SLC2A9: variants seen among roughly 807,000 people sequenced by gnomAD.
SLC2A9 encodes solute carrier family 2 member 9, also known as solute carrier family 2, facilitated glucose transporter member 9.
Under a neutral mutation model 50.6 loss-of-function variants are expected in SLC2A9, and 39 were observed. The observed-to-expected ratio is 0.77, with a 90% CI of 0.60 to 1.01. SLC2A9 has a LOEUF of 1.01. Ranked by LOEUF, SLC2A9 falls within the 50% of genes least tolerant of loss-of-function variation. The pLI, the probability that SLC2A9 is intolerant of heterozygous loss-of-function variation, is 0.00. For synonymous variants in SLC2A9, 324 were observed against 276.9 expected (o/e 1.17, Z -1.69); for missense variants, 686 against 677.6 (o/e 1.01, Z -0.14).
At chr4:9,866,804 C>G (rs763851429) in intron 10 of SLC2A9, among the ~76,000 whole-genome samples, 22 of 152,174 alleles carry the variant, frequency 1.4e-4, no homozygotes, top group Admixed American at 1.3e-4. Flanking sequence ...ACCCATTTTA[C>G]ATGTGGGTAA....
chr4:9,810,985 T>G (rs1722815624), intron 3 of SLC2A9, among the ~76,000 whole-genome samples: 1 of 152,154 alleles, frequency 6.6e-6, no homozygotes, highest in African/African-American at 2.4e-5. Flanking sequence ...CCTTTTCTGG[T>G]TTGCGGGAGA....
chr4:9,925,041 A>G (rs920442318), intron 6 of SLC2A9, among the ~76,000 whole-genome samples: 1 of 152,170 alleles, frequency 6.6e-6, no homozygotes, highest in Non-Finnish European at 1.5e-5. Flanking sequence ...CTCATCTGCC[A>G]TGCAGAGCCT....
rs548996709 is a variant in SLC2A9, at chr4:9,808,641, C to T, written n.421-9400G>A. Reference sequence around the variant, plus strand: ...TTAAAAGAGAGACTTTGGAATTCTTCCACCAGCATCTTGCACCCACAGATA... The same window carrying T: ...TTAAAAGAGAGACTTTGGAATTCTTTCACCAGCATCTTGCACCCACAGATA... On this transcript the variant is annotated intron_variant and non_coding_transcript_variant, in intron 3 of 3. Coordinates refer to the SLC2A9 transcript ENST00000503280. Among the ~76,000 whole-genome samples, 319 of 152,326 alleles carry T rather than the reference C, an allele frequency of 2.1e-3. 3 individuals carry two copies. Among genetic ancestry groups the T allele is most frequent in the Non-Finnish European group, 1.6e-3 (110 of 68,032 alleles).
chr4:9,786,589 C>A (rs893609118), intron 3 of SLC2A9, among the ~76,000 whole-genome samples: 3 of 152,224 alleles, frequency 2.0e-5, no homozygotes, highest in African/African-American at 7.2e-5. Context: ...GTAGCTCTTA[C>A]ATGATGGACC....
At chr4:10,026,103 G>C, upstream of SLC2A9, 1 of 821,186 alleles carries the variant, frequency 1.2e-6, no homozygotes, top group Non-Finnish European at 2.0e-6. Context: ...AAGGTTTGCT[G>C]TGAGGAGCTC....
chr4:10,018,589 T>TAGATAGATAGATAGATAGATAGATAAAC (rs1553915108), intron 2 of SLC2A9, among the ~76,000 whole-genome samples: 94 of 151,116 alleles, frequency 6.2e-4, no homozygotes, highest in East Asian at 4.2e-3. Flanking sequence ...GATAGATAGA[T>TAGATAGATAGATAGATAGATAGATAAAC]AACAACAACA....
chr4:9,975,676 C>G (rs748280469), intron 5 of SLC2A9, among the ~76,000 whole-genome samples: 1 of 152,126 alleles, frequency 6.6e-6, no homozygotes, highest in Non-Finnish European at 1.5e-5. Flanking sequence ...AGTTCAGCCA[C>G]TATGGAAAGC....
At chr4:9,824,262 C>G (rs981595034), downstream of SLC2A9, among the ~76,000 whole-genome samples, 7 of 151,756 alleles carry the variant, frequency 4.6e-5, no homozygotes, top group African/African-American at 1.7e-4. Context: ...TAAGAAGGCA[C>G]TCGTCAGATG....
At chr4:9,926,353 C>T (rs1460050967) in intron 6 of SLC2A9, among the ~76,000 whole-genome samples, 1 of 149,722 alleles carries the variant, frequency 6.7e-6, no homozygotes, top group African/African-American at 2.5e-5. Flanking sequence ...GTTTCGGGGC[C>T]AATGGGTGCT....
At chr4:9,872,373 C>T (rs571460782) in intron 10 of SLC2A9, among the ~76,000 whole-genome samples, 168 of 152,276 alleles carry the variant, frequency 1.1e-3, no homozygotes, top group Admixed American at 2.7e-3. Context: ...AAGGTCAATT[C>T]ATCAAAAAGC....
chr4:9,972,166 A>G (rs1754011155), intron 5 of SLC2A9, among the ~76,000 whole-genome samples: 1 of 152,136 alleles, frequency 6.6e-6, no homozygotes. Context: ...ATTTGCAACC[A>G]TTAGTATATT....
chr4:9,848,821 C>T (rs978928958), intron 10 of SLC2A9, among the ~76,000 whole-genome samples: 3 of 151,952 alleles, frequency 2.0e-5, no homozygotes, highest in Non-Finnish European at 2.9e-5. Flanking sequence ...TCTCCTGCCT[C>T]AGCCTCCCGA....
chr4:9,796,454 G>C (rs1188696670), downstream of SLC2A9, among the ~76,000 whole-genome samples: 1 of 152,170 alleles, frequency 6.6e-6, no homozygotes, highest in African/African-American at 2.4e-5. Flanking sequence ...ATTCTAATCT[G>C]TTGAATGGAG....
At chr4:9,888,233 G>A (rs371412238) in intron 9 of SLC2A9, among the ~76,000 whole-genome samples, 4 of 150,336 alleles carry the variant, frequency 2.7e-5, no homozygotes, top group East Asian at 3.9e-4. Flanking sequence ...AAACCTGCAC[G>A]TTCTGCACAT....
intron 2 of SLC2A9, among the ~76,000 whole-genome samples, chr4:10,001,165 T>C (rs963590997): frequency 1.3e-5 from 2 of 152,180 alleles, no homozygotes; most frequent in African/African-American, 4.8e-5. Context: ...AGAGTGAATT[T>C]TGTTCCCCTC....
intron 11 of SLC2A9, among the ~76,000 whole-genome samples, chr4:9,833,997 TCC>T (rs746846914): frequency 3.9e-5 from 6 of 152,174 alleles, no homozygotes; most frequent in Non-Finnish European, 5.9e-5. Context: ...TCTTATCTGA[TCC>T]TCTCTCTCAC....
At chr4:9,806,216 G>A (rs963823011) in intron 3 of SLC2A9, among the ~76,000 whole-genome samples, 7 of 152,236 alleles carry the variant, frequency 4.6e-5, no homozygotes, top group Non-Finnish European at 1.0e-4. Flanking sequence ...GCTCGTGATG[G>A]CCTTGACACC....
intron 3 of SLC2A9, among the ~76,000 whole-genome samples, chr4:9,995,374 C>G (rs1217937943): frequency 6.6e-6 from 1 of 152,190 alleles, no homozygotes; most frequent in East Asian, 1.9e-4. Context: ...CTCATAAGCA[C>G]CACTTGGATG....
chr4:9,920,484 C>T lies in SLC2A9; in HGVS notation c.903G>A (p.Leu301=). Residue 301 remains leucine (L), a synonymous_variant, in exon 7 of 12, where the codon CTG becomes CTA. Transcript: ENST00000264784. Reference sequence around the variant, plus strand: ...CTCTCAGCAGCTCCAGCACGGACACCAGGCGGATGCTCCTCTGCACGCGGC... The same window carrying T: ...CTCTCAGCAGCTCCAGCACGGACACTAGGCGGATGCTCCTCTGCACGCGGC... ...AESRVQRSIR[L]VSVLELLRAP... 1 of 1,614,176 alleles carries T rather than the reference C, an allele frequency of 6.2e-7. No homozygotes were observed. Among genetic ancestry groups the T allele is most frequent in the Non-Finnish European group, 8.5e-7 (1 of 1,180,030 alleles).
Sources: gnomAD v4.1 joint callset for allele counts (sites outside exome capture counted in the v4.1 genomes callset) on GRCh38, gnomAD v4.1.1 for gene constraint, MANE v1.5 for transcripts, NCBI Gene and HGNC (gene_info 2026-07-23, HGNC 2026-07-21) for gene names.